MRAS: variants seen among roughly 807,000 people sequenced by gnomAD.
The protein encoded by MRAS is ras-related protein M-Ras.
A neutral mutation model predicts 20.9 loss-of-function variants in MRAS; 4 were observed. That is an observed-to-expected ratio of 0.19 (90% CI 0.09 to 0.44). MRAS has a LOEUF of 0.44. Ranked by LOEUF, MRAS falls within the 20% of genes least tolerant of loss-of-function variation. MRAS has a pLI of 0.99. For missense variants in MRAS, 154 were observed against 277.5 expected, an observed-to-expected ratio of 0.56 and a Z score of 3.16; for synonymous variants, 98 against 102.9, an observed-to-expected ratio of 0.95 and a Z score of 0.29.
At chr3:138,354,015 A>G (rs184142176) in intron 1 of MRAS, among the ~76,000 whole-genome samples, 3 of 152,344 alleles carry the variant, frequency 2.0e-5, no homozygotes, top group Non-Finnish European at 4.4e-5. Flanking sequence ...TAGGGGACCT[A>G]TCCCATGGAG....
rs575155037 is a variant in MRAS, at chr3:138,397,234, A to ACAG, written c.194-77_194-75dup. The ACAG allele has an allele frequency of 6.4e-5, 95 of 1,477,536 alleles. No homozygotes were observed. The African/African-American group carries it at 1.1e-3, about 17-fold the overall frequency. The allele number at this position is 1,477,536 out of a possible 1,614,324, so 91.5% of individuals were successfully genotyped here. A position where few individuals can be genotyped will look rare whatever the true frequency, so the allele number is the denominator to read the frequency against. On this transcript the variant is annotated intron_variant, in intron 2 of 5. Coordinates refer to ENST00000423968, the MANE Select transcript of MRAS (RefSeq NM_001085049.3). The stretch of plus-strand genomic sequence containing the variant: ...CAGCTCGGACTGGGCCACGGTAGGG[A>ACAG]CAGCAGCAGCAGCAGTGTTGGAGTC...
chr3:138,370,643 C>A (rs2054655823), intron 1 of MRAS, among the ~76,000 whole-genome samples: 1 of 152,220 alleles, frequency 6.6e-6, no homozygotes, highest in African/African-American at 2.4e-5. Context: ...TGGTCCTATA[C>A]TGCCCCAAAG....
At chr3:138,372,097 A>G (rs898347038) in intron 1 of MRAS, among the ~76,000 whole-genome samples, 8 of 152,114 alleles carry the variant, frequency 5.3e-5, no homozygotes, top group African/African-American at 1.9e-4. Context: ...CGCATTGTAC[A>G]ATCCCTGGTC....
chr3:138,393,734 G>C (rs1262312525), intron 2 of MRAS, among the ~76,000 whole-genome samples: 3 of 151,662 alleles, frequency 2.0e-5, no homozygotes, highest in African/African-American at 7.3e-5. Flanking sequence ...TTGTTGCCTA[G>C]GCTGGAGTGC....
chr3:138,382,613 G>A (rs2054928181), intron 2 of MRAS, among the ~76,000 whole-genome samples: 3 of 152,206 alleles, frequency 2.0e-5, no homozygotes, highest in Admixed American at 2.0e-4. Context: ...GCTGGGAGCT[G>A]AAGGACCCCT....
chr3:138,376,604 T>A (rs924486232), intron 2 of MRAS, among the ~76,000 whole-genome samples: 1 of 152,254 alleles, frequency 6.6e-6, no homozygotes, highest in African/African-American at 2.4e-5. Context: ...TAACTCACAT[T>A]ACAATAATAA....
chr3:138,375,376 T>G (rs916823383), intron 2 of MRAS, among the ~76,000 whole-genome samples: 4 of 152,236 alleles, frequency 2.6e-5, no homozygotes, highest in Non-Finnish European at 5.9e-5. Context: ...GGTATCAGAG[T>G]AATGTTGGCC....
At chr3:138,400,469 T>A in intron 4 of MRAS, 65 bp from the exon 5 acceptor site, 1 of 1,471,256 alleles carries the variant, frequency 6.8e-7, no homozygotes, top group South Asian at 1.1e-5. Flanking sequence ...TGGGCATTTT[T>A]AAGGGTGTAA....
chr3:138,375,001 C>T (rs1189010353), intron 2 of MRAS, among the ~76,000 whole-genome samples: 1 of 152,142 alleles, frequency 6.6e-6, no homozygotes, highest in East Asian at 1.9e-4. Flanking sequence ...CTTGCCTCAG[C>T]TTCCCCAGTA....
chr3:138,381,459 G>T (rs999680313), intron 2 of MRAS, among the ~76,000 whole-genome samples: 1 of 152,226 alleles, frequency 6.6e-6, no homozygotes, highest in African/African-American at 2.4e-5. Context: ...CAGGCCTTGG[G>T]CCTTTAAGGT....
intron 2 of MRAS, among the ~76,000 whole-genome samples, chr3:138,376,923 G>A (rs942428652): frequency 4.6e-5 from 7 of 152,152 alleles, no homozygotes; most frequent in Non-Finnish European, 7.3e-5. Flanking sequence ...ACCATGCCTG[G>A]TACATCGTTG....
At position 138,392,330 on chromosome 3, in the gene MRAS, C is replaced by T. The variant is rs144670088; in HGVS notation, c.194-4994C>T. Among the ~76,000 whole-genome samples, 192 of 152,262 alleles carry T rather than the reference C, an allele frequency of 1.3e-3. 1 individual carries two copies. The highest frequency in any genetic ancestry group is 4.4e-3 in the South Asian group (21 of 4,820). On this transcript the variant is annotated intron_variant, in intron 2 of 5. Transcript: ENST00000423968. ...TCAAGCTGATCCTCCGCTTTATCCT[C>T]CCAAAGTACTGGGATTACAGGGATG...
chr3:138,370,820 A>C (rs1248323953), intron 1 of MRAS, among the ~76,000 whole-genome samples: 4 of 152,208 alleles, frequency 2.6e-5, no homozygotes, highest in Non-Finnish European at 2.9e-5. Context: ...ATGCCCTGAA[A>C]TCTGCCTTAG....
intron 2 of MRAS, among the ~76,000 whole-genome samples, chr3:138,395,058 C>T (rs2055206930): frequency 1.3e-5 from 2 of 150,198 alleles, no homozygotes; most frequent in African/African-American, 4.9e-5. Flanking sequence ...ATTTTTTTTT[C>T]AGACGGAGTT....
chr3:138,370,048 G>A (rs528134788), intron 1 of MRAS, among the ~76,000 whole-genome samples: 2 of 152,312 alleles, frequency 1.3e-5, no homozygotes, highest in African/African-American at 2.4e-5. Context: ...GACCGGGAAC[G>A]GTGGCTCATG....
chr3:138,393,691 T>TTTC (rs5852911), intron 2 of MRAS, among the ~76,000 whole-genome samples: 129,274 of 151,850 alleles, frequency 0.85, 55,349 homozygotes, highest in East Asian at 0.98. Context: ...GTCTTCTGCT[T>TTTC]TTTTCTTTTT....
chr3:138,378,561 C>G (rs1351751807), intron 2 of MRAS, among the ~76,000 whole-genome samples: 1 of 152,226 alleles, frequency 6.6e-6, no homozygotes, highest in Non-Finnish European at 1.5e-5. Flanking sequence ...TGTCCCATCT[C>G]CATGCTCTCA....
intron 1 of MRAS, among the ~76,000 whole-genome samples, chr3:138,354,130 G>A (rs1009821440): frequency 1.3e-5 from 2 of 152,228 alleles, no homozygotes; most frequent in Non-Finnish European, 2.9e-5. Flanking sequence ...TGCAGAAGAC[G>A]CTGGCTGGCA....
chr3:138,374,883 T>G (rs1223110317), intron 2 of MRAS, among the ~76,000 whole-genome samples: 2 of 152,166 alleles, frequency 1.3e-5, no homozygotes, highest in African/African-American at 2.4e-5. Context: ...TTACATTGAT[T>G]GTTTTGTTTT....
Sources: gnomAD v4.1 joint callset for allele counts (sites outside exome capture counted in the v4.1 genomes callset) on GRCh38, gnomAD v4.1.1 for gene constraint, MANE v1.5 for transcripts, NCBI Gene and HGNC (gene_info 2026-07-23, HGNC 2026-07-21) for gene names.